FKBP7: variants seen among roughly 807,000 people sequenced by gnomAD.
The protein encoded by FKBP7 is FKBP prolyl isomerase 7, also known as peptidyl-prolyl cis-trans isomerase FKBP7.
Under a neutral mutation model 24.3 loss-of-function variants are expected in FKBP7, and 24 were observed. The ratio of observed to expected loss-of-function variants is 0.99; its 90% CI spans 0.72 to 1.39. The LOEUF (loss-of-function observed/expected upper bound fraction) is 1.39, where lower values mean the gene tolerates loss of function less well. Ranked by LOEUF, FKBP7 falls within the 40% of genes most tolerant of loss-of-function variation. The probability of loss-of-function intolerance (pLI) is 0.00; values close to 1 mark genes in which losing one functional copy is unlikely to be tolerated. For synonymous variants in FKBP7, 98 were observed against 92.8 expected (o/e 1.06, Z -0.32); for missense variants, 257 against 269.5 (o/e 0.95, Z 0.33).
At position 178,478,578 on chromosome 2, in the gene FKBP7, T is replaced by C. The variant is rs1316062637; in HGVS notation, c.-79A>G. The C allele has an allele frequency of 1.9e-6, 3 of 1,581,728 alleles. No homozygotes were observed. Among genetic ancestry groups the C allele is most frequent in the Non-Finnish European group, 2.6e-6 (3 of 1,167,780 alleles). Reference sequence around the variant, plus strand: ...TGTCCCGCGGCCGAGTTCCGACGCGTGGCAGGCGTTGTCCTGCGTCACAAA... The same window carrying C: ...TGTCCCGCGGCCGAGTTCCGACGCGCGGCAGGCGTTGTCCTGCGTCACAAA... On this transcript the variant is annotated 5_prime_UTR_variant, in exon 1 of 4. Coordinates refer to ENST00000424785, the MANE Select transcript of FKBP7 (RefSeq NM_181342.3).
At chr2:178,472,917 T>TTAAAAA in intron 2 of FKBP7, 1 of 239,580 alleles carries the variant, frequency 4.2e-6, no homozygotes, top group South Asian at 4.6e-5. Context: ...TTTTTTTTTT[T>TTAAAAA]AAAAAAAACT....
intron 3 of FKBP7, among the ~76,000 whole-genome samples, chr2:178,466,561 G>C (rs1684664328): frequency 6.6e-6 from 1 of 151,930 alleles, no homozygotes; most frequent in Non-Finnish European, 1.5e-5. Context: ...CTTGAAACAT[G>C]GCTAGATCAA....
intron 2 of FKBP7, among the ~76,000 whole-genome samples, chr2:178,472,410 T>C (rs370068163): frequency 6.6e-5 from 10 of 152,126 alleles, no homozygotes; most frequent in Admixed American, 1.3e-4. Flanking sequence ...ATATTGTAGG[T>C]ACATATGCAG....
At chr2:178,467,748 A>G (rs1479270633) in intron 3 of FKBP7, 3 of 152,216 alleles carry the variant, frequency 2.0e-5, no homozygotes, top group South Asian at 2.1e-4. Flanking sequence ...TTTATTTTCC[A>G]GAAAAGAACT....
At position 178,478,010 on chromosome 2, in the gene FKBP7, C is replaced by T. The variant is rs189867443; in HGVS notation, c.221+269G>A. 1.4e-3 allele frequency among the ~76,000 whole-genome samples: 215 copies of T among 152,090 alleles called. 1 individual carries two copies. Among genetic ancestry groups the T allele is most frequent in the African/African-American group, 5.0e-3 (209 of 41,458 alleles). ...GAACCTTGATTTAATTCTGGAGGTC[C>T]CAAGGGTAATGGTGGTGGTTGATGT... On this transcript the variant is annotated intron_variant, in intron 1 of 3. Coordinates refer to ENST00000424785, the MANE Select transcript of FKBP7 (RefSeq NM_181342.3).
intron 2 of FKBP7, among the ~76,000 whole-genome samples, chr2:178,470,787 A>T (rs63347162): frequency 2.1e-5 from 3 of 146,026 alleles, no homozygotes; most frequent in African/African-American, 7.6e-5. Context: ...TGTCTCTATT[A>T]AAAAAAAAAA....
intron 1 of FKBP7, 111 bp from the exon 2 acceptor site, chr2:178,477,324 C>T (rs571045541): frequency 9.1e-7 from 1 of 1,096,650 alleles, no homozygotes; most frequent in African/African-American, 1.6e-5. Flanking sequence ...CATATAATCA[C>T]TCTTTCTAAA....
chr2:178,472,871 A>AAG (rs1684888623), intron 2 of FKBP7, among the ~76,000 whole-genome samples: 1 of 139,154 alleles, frequency 7.2e-6, no homozygotes, highest in African/African-American at 2.5e-5. Flanking sequence ...AAAAAAAAAA[A>AAG]GGATATATTG....
At position 178,469,629 on chromosome 2, in the gene FKBP7, CA is replaced by C. The variant is rs1337829722; in HGVS notation, c.507+22del. 5 of 1,612,270 alleles carry C rather than the reference CA, an allele frequency of 3.1e-6. No individual in the cohort carries two copies. The Admixed American group carries it at 5.0e-5, about 16-fold the overall frequency. On this transcript the variant is annotated intron_variant, in intron 3 of 3. Transcript: ENST00000424785. ...ACTGTGATAAAAAAATTAGACTATA[CA>C]CATGAAATTGGTTTGAATTACCTCG...
intron 3 of FKBP7, 48 bp from the exon 4 acceptor site, chr2:178,465,979 A>T: frequency 6.8e-7 from 1 of 1,470,060 alleles, no homozygotes; most frequent in Non-Finnish European, 9.1e-7. Flanking sequence ...ATCACAGTGA[A>T]TTTCCAGTAA....
At position 178,465,691 on chromosome 2, in the gene FKBP7, C is replaced by T; in HGVS notation, c.*79G>A. On this transcript the variant is annotated 3_prime_UTR_variant, in exon 4 of 4. Coordinates refer to ENST00000424785, the MANE Select transcript of FKBP7 (RefSeq NM_181342.3). Reference sequence around the variant, plus strand: ...TCTCATAGGGGAAAAATAGCAAATACAACTTGGAGAAAAGTGACTTTGTTT... The same window carrying T: ...TCTCATAGGGGAAAAATAGCAAATATAACTTGGAGAAAAGTGACTTTGTTT... 7.6e-7 allele frequency: 1 copy of T among 1,312,032 alleles called. No individual in the cohort carries two copies. Among genetic ancestry groups the T allele is most frequent in the East Asian group, 2.7e-5 (1 of 37,632 alleles). The allele number at this position is 1,312,032 out of a possible 1,614,324, so 81.3% of individuals were successfully genotyped here. A position where few individuals can be genotyped will look rare whatever the true frequency, so the allele number is the denominator to read the frequency against.
chr2:178,469,202 C>T (rs1684774686), intron 3 of FKBP7, among the ~76,000 whole-genome samples: 2 of 152,158 alleles, frequency 1.3e-5, no homozygotes. Context: ...ATCTTTATTA[C>T]AAGGCTGAGA....
chr2:178,469,977 T>G (rs1684806006), intron 2 of FKBP7, among the ~76,000 whole-genome samples, 192 bp from the exon 3 acceptor site: 1 of 151,958 alleles, frequency 6.6e-6, no homozygotes, highest in Admixed American at 6.5e-5. Flanking sequence ...TTGTTTTTTT[T>G]TCTCTTTTTT....
In FKBP7 at chr2:178,478,164, A is replaced by G. The variant is rs144777276; in HGVS notation, c.221+115T>C. On this transcript the variant is annotated intron_variant, in intron 1 of 3. Transcript: ENST00000424785. ...TTTTTTTTAATGAATAAAGGGCTCAACTTTTACCGTTAAAAAATAAAACCC... is the reference window on the plus strand; with the variant it reads ...TTTTTTTTAATGAATAAAGGGCTCAGCTTTTACCGTTAAAAAATAAAACCC... 3.4e-4 allele frequency: 392 copies of G among 1,142,334 alleles called. No individual in the cohort carries two copies. The African/African-American group carries it at 5.6e-3, about 16-fold the overall frequency. 70.8% of individuals were successfully genotyped at this position (1,142,334 alleles called of 1,614,324 possible). A position where few individuals can be genotyped will look rare whatever the true frequency, so the allele number is the denominator to read the frequency against.
intron 2 of FKBP7, among the ~76,000 whole-genome samples, chr2:178,472,828 G>T (rs1684886344): frequency 7.1e-6 from 1 of 141,342 alleles, no homozygotes; most frequent in African/African-American, 2.7e-5. Context: ...CTCCAATCTG[G>T]GTGACAGAGC....
At chr2:178,478,048 A>G (rs1431627053) in intron 1 of FKBP7, among the ~76,000 whole-genome samples, 1 of 152,186 alleles carries the variant, frequency 6.6e-6, no homozygotes, top group Non-Finnish European at 1.5e-5. Flanking sequence ...GTGTGGATGT[A>G]TCGTATTTTT....
At position 178,465,762 on chromosome 2, in the gene FKBP7, C is replaced by T; in HGVS notation, c.*8G>A. The T allele has an allele frequency of 6.5e-7, 1 of 1,537,988 alleles. No individual in the cohort carries two copies. The highest frequency in any genetic ancestry group is 8.7e-7 in the Non-Finnish European group (1 of 1,146,992). On this transcript the variant is annotated 3_prime_UTR_variant, in exon 4 of 4. Coordinates refer to ENST00000424785, the MANE Select transcript of FKBP7 (RefSeq NM_181342.3). ...TAGCTAAAAAAAAAAAGTAGAAATA[C>T]AAATATGCTATAGTTCATCGTGTTG...
Position 178,477,195 on chromosome 2 carries a change from G to A in FKBP7, c.240C>T (p.Gly80=). 3 of 1,610,330 alleles carry A rather than the reference G, an allele frequency of 1.9e-6. No individual in the cohort carries two copies. The highest frequency in any genetic ancestry group is 1.7e-6 in the Non-Finnish European group (2 of 1,179,092). Residue 80 remains glycine (G), a synonymous_variant, in exon 2 of 4, where the codon GGC becomes GGT. Transcript: ENST00000424785. Reference sequence around the variant, plus strand: ...CACCAAGAACAAACCATTTGGGGTGGCCTTCATTTTGTGTCCGGCTATAAC... The same window carrying A: ...CACCAAGAACAAACCATTTGGGGTGACCTTCATTTTGTGTCCGGCTATAAC... ...KFYCSRTQNE[G]HPKWFVLGVG...
chr2:178,477,048 A>C lies in FKBP7; in HGVS notation c.373+14T>G, dbSNP rs953730774. 3 of 1,558,308 alleles carry C rather than the reference A, an allele frequency of 1.9e-6. No homozygotes were observed. The East Asian group carries it at 6.7e-5, about 35-fold the overall frequency. ...AATATAACTAAAACAAGAAATTAAAATTAAACATCTTACCATAGCCTTCCT... is the reference window on the plus strand; with the variant it reads ...AATATAACTAAAACAAGAAATTAAACTTAAACATCTTACCATAGCCTTCCT... On this transcript the variant is annotated intron_variant, in intron 2 of 3. Coordinates refer to ENST00000424785, the MANE Select transcript of FKBP7 (RefSeq NM_181342.3).
Sources: gnomAD v4.1 joint callset for allele counts (sites outside exome capture counted in the v4.1 genomes callset) on GRCh38, gnomAD v4.1.1 for gene constraint, MANE v1.5 for transcripts, NCBI Gene and HGNC (gene_info 2026-07-23, HGNC 2026-07-21) for gene names.